The following SF3B2 variants were observed in gnomAD, a reference collection of about 807,000 sequenced individuals.
The protein encoded by SF3B2 is splicing factor 3b subunit 2.
A neutral mutation model predicts 116.3 loss-of-function variants in SF3B2; 22 were observed. That is an observed-to-expected ratio of 0.19 (90% CI 0.14 to 0.27). The LOEUF is 0.27. Among genes scored for constraint, SF3B2 ranks in the 10% least tolerant of loss-of-function variants. The pLI, the probability that SF3B2 is intolerant of heterozygous loss-of-function variation, is 1.00. For synonymous variants in SF3B2, 406 were observed against 421.6 expected (o/e 0.96, Z 0.45); for missense variants, 767 against 1,151.4 (o/e 0.67, Z 4.83).
At position 66,061,755 on chromosome 11, in the gene SF3B2, T is replaced by C. The variant is rs79598943; in HGVS notation, c.1849T>C (p.Leu617=). 1.3e-4 allele frequency: 202 copies of C among 1,614,182 alleles called. No homozygotes were observed. In the African/African-American group the frequency reaches 2.4e-3, roughly 19 times the overall value. ...TCTGTCTGATGAGCTAAGGATTTCC[T>C]TGGGGATGCCAGTAGGACCAGTGAG... ...GDLSDELRIS[L]GMPVGPNAHK... Residue 617 remains leucine (L), a synonymous_variant, in exon 15 of 22, where the codon TTG becomes CTG. Coordinates refer to ENST00000322535, the MANE Select transcript of SF3B2 (RefSeq NM_006842.3).
At chr11:66,064,613 C>A (rs1172307609) in intron 19 of SF3B2, 1 of 152,112 alleles carries the variant, frequency 6.6e-6, no homozygotes, top group Non-Finnish European at 1.5e-5. Flanking sequence ...TCTTTCATTT[C>A]TTTGTGTATA....
intron 19 of SF3B2, among the ~76,000 whole-genome samples, chr11:66,064,428 T>C (rs1444898275): frequency 6.6e-6 from 1 of 152,204 alleles, no homozygotes; most frequent in Non-Finnish European, 1.5e-5. Flanking sequence ...AGAGCCATTA[T>C]AGTATACTTC....
At chr11:66,061,004 CA>C (rs1005632636) in intron 14 of SF3B2, among the ~76,000 whole-genome samples, 1 of 152,132 alleles carries the variant, frequency 6.6e-6, no homozygotes, top group African/African-American at 2.4e-5. Context: ...CTATGTTGCC[CA>C]GGCTAGTGTG....
rs754549875 is a variant in SF3B2, at chr11:66,063,141, T to G, written c.2085+25T>G. 4.2e-5 allele frequency: 65 copies of G among 1,536,408 alleles called. 1 individual carries two copies. The highest frequency in any genetic ancestry group is 5.8e-5 in the Non-Finnish European group (65 of 1,113,072). ...GGTATGGGCCATGTACTAGCGATCT[T>G]GGTTTTACTTAATGTCATGAAGGTT... On this transcript the variant is annotated intron_variant, in intron 17 of 21. Coordinates refer to ENST00000322535, the MANE Select transcript of SF3B2 (RefSeq NM_006842.3).
chr11:66,060,921 T>C (rs570887), intron 14 of SF3B2, among the ~76,000 whole-genome samples, 190 bp downstream of exon 14: 49,439 of 152,006 alleles, frequency 0.33, 8,444 homozygotes, highest in East Asian at 0.53. Context: ...CATCTCAGCC[T>C]CCTGAGTAGC....
At chr11:66,064,053 T>C (rs1009498343) in intron 19 of SF3B2, among the ~76,000 whole-genome samples, 1 of 152,172 alleles carries the variant, frequency 6.6e-6, no homozygotes, top group Admixed American at 6.5e-5. Context: ...CACAGGATCA[T>C]CTGGGTCAGA....
intron 7 of SF3B2, 91 bp downstream of exon 7, chr11:66,057,466 A>T (rs1857022224): frequency 1.4e-6 from 1 of 710,376 alleles, no homozygotes; most frequent in Non-Finnish European, 2.5e-6. Flanking sequence ...CTGTGAGAAG[A>T]TGGGGGGACT....
Position 66,056,902 on chromosome 11 carries a change from G to A in SF3B2, c.614G>A (p.Arg205Gln), listed in dbSNP as rs770744709. Reference sequence around the variant, plus strand: ...GCCAAGATGGGCACCCCAGTCCCTCGGCCCCCACAAGACATGGGCCAGATT... The same window carrying A: ...GCCAAGATGGGCACCCCAGTCCCTCAGCCCCCACAAGACATGGGCCAGATT... Reference protein sequence around the residue: ...EIAKMGTPVPRPPQDMGQIGV... With the variant: ...EIAKMGTPVPQPPQDMGQIGV... The change falls in exon 6 of 22, where the codon CGG becomes CAG. Residue 205 changes from arginine (R) to glutamine (Q), a missense_variant. Arg to Gln is a conservative substitution (Grantham distance 43, BLOSUM62 1). This residue lies in a region of SF3B2 where 455 missense variants were observed against 537.5 expected (regional missense o/e 0.85). Transcript: ENST00000322535. 3 of 1,614,112 alleles carry A rather than the reference G, an allele frequency of 1.9e-6. No homozygotes were observed. Among genetic ancestry groups the A allele is most frequent in the African/African-American group, 2.7e-5 (2 of 75,024 alleles).
In SF3B2 at chr11:66,063,401, C is replaced by T. The variant is rs373132159; in HGVS notation, c.2087C>T (p.Thr696Ile). Residue 696 changes from threonine (T) to isoleucine (I), a missense_variant and splice_region_variant, in exon 18 of 22, where the codon ACC becomes ATC. Transcript: ENST00000322535. Reference protein sequence around the residue: ...VFGTNAAEFQTKTEEEEIDRT... With the variant: ...VFGTNAAEFQIKTEEEEIDRT... Reference sequence around the variant, plus strand: ...GAATGATAAAGTGATCTCTTTCAGACCAAGACTGAGGAAGAAGAGATTGAT... The same window carrying T: ...GAATGATAAAGTGATCTCTTTCAGATCAAGACTGAGGAAGAAGAGATTGAT... 7 of 1,611,376 alleles carry T rather than the reference C, an allele frequency of 4.3e-6. No homozygotes were observed. Among genetic ancestry groups the T allele is most frequent in the Non-Finnish European group, 5.1e-6 (6 of 1,178,796 alleles).
At chr11:66,053,188 A>G in intron 3 of SF3B2, 84 bp downstream of exon 3, 1 of 1,240,832 alleles carries the variant, frequency 8.1e-7, no homozygotes, top group Non-Finnish European at 1.2e-6. Flanking sequence ...GTTCACGTGC[A>G]TGTGTGAGAT....
chr11:66,058,954 C>T lies in SF3B2; in HGVS notation c.1091C>T (p.Ala364Val). Residue 364 changes from alanine to valine, a missense_variant, in exon 10 of 22, where the codon GCA (alanine) becomes GTA (valine). Physicochemically the swap from Ala to Val is moderately conservative, Grantham distance 64. This residue lies in a region of SF3B2 where 455 missense variants were observed against 537.5 expected (regional missense o/e 0.85). Transcript: ENST00000322535. ...STRSRGSDSP[A>V]ADVEIEYVTE... ...CGGTCCCGTGGCTCTGATTCCCCAG[C>T]AGCTGATGTTGAGATTGAGTATGTG... is the stretch of plus-strand genomic sequence containing the variant. 6.2e-7 allele frequency: 1 copy of T among 1,614,160 alleles called. No homozygotes were observed. The highest frequency in any genetic ancestry group is 1.3e-5 in the African/African-American group (1 of 75,030).
Position 66,059,791 on chromosome 11 carries a change from C to T in SF3B2, c.1411C>T (p.Arg471Trp), listed in dbSNP as rs1337651045. Residue 471 changes from arginine (R) to tryptophan (W), a missense_variant, in exon 13 of 22, where the codon CGG becomes TGG. By Grantham distance (101) the Arg-to-Trp change is moderately radical. Transcript: ENST00000322535. This position sits in a 1 kb window ranked among gnomAD's most constrained non-coding sequence, Gnocchi z 5.0. ...ACTATGTGTTTTCCAGCTGGTGGCT[C>T]GGCCCGATGTCGTGGAGATGCACGA... ...TVAELKQLVA[R>W]PDVVEMHDVT... 3.1e-6 allele frequency: 5 copies of T among 1,614,188 alleles called. No individual in the cohort carries two copies. The highest frequency in any genetic ancestry group is 4.2e-6 in the Non-Finnish European group (5 of 1,180,030).
chr11:66,063,320 C>T (rs1200680936), intron 17 of SF3B2, 80 bp from the exon 18 acceptor site: 8 of 1,384,942 alleles, frequency 5.8e-6, no homozygotes, highest in Admixed American at 2.2e-5. Flanking sequence ...TTGACTCTTA[C>T]ACCCCTTCAG....
chr11:66,068,355 G>A (rs745648218), intron 21 of SF3B2, 22 bp downstream of exon 21: 2 of 1,569,480 alleles, frequency 1.3e-6, no homozygotes, highest in South Asian at 1.2e-5. Context: ...CAGGGGCGCT[G>A]GGCTGGGTGA....
intron 3 of SF3B2, chr11:66,053,484 GC>G (rs2135034642): frequency 4.1e-6 from 1 of 245,716 alleles, no homozygotes; most frequent in East Asian, 9.4e-5. Flanking sequence ...TTCGAGACCA[GC>G]CTGGGCAACA....
At chr11:66,053,203 C>T (rs1856921015) in intron 3 of SF3B2, 99 bp downstream of exon 3, 2 of 1,077,242 alleles carry the variant, frequency 1.9e-6, no homozygotes, top group Admixed American at 1.7e-5. Flanking sequence ...TGAGATGTGA[C>T]ACCCTTGCAC....
Position 66,060,717 on chromosome 11 carries a change from G to T in SF3B2, c.1765G>T (p.Asp589Tyr), listed in dbSNP as rs764947302. Reference sequence around the variant, plus strand: ...CAAGCCAAAGCTGACCATCCATGGGGACCTGTACTATGAGGTTCGGGAGGG... The same window carrying T: ...CAAGCCAAAGCTGACCATCCATGGGTACCTGTACTATGAGGTTCGGGAGGG... ...QTKPKLTIHGDLYYEGKEFET... is the reference protein window; with the variant it reads ...QTKPKLTIHGYLYYEGKEFET... Residue 589 changes from aspartate (D) to tyrosine (Y), a missense_variant, in exon 14 of 22, where the codon GAC (aspartate) becomes TAC (tyrosine). This residue lies in a region of SF3B2 where 282 missense variants were observed against 568.0 expected (regional missense o/e 0.50). Coordinates refer to ENST00000322535, the MANE Select transcript of SF3B2 (RefSeq NM_006842.3). The T allele has an allele frequency of 1.9e-6, 3 of 1,614,092 alleles. No individual in the cohort carries two copies. The highest frequency in any genetic ancestry group is 2.5e-6 in the Non-Finnish European group (3 of 1,180,042).
chr11:66,058,069 G>T lies in SF3B2; in HGVS notation c.793G>T (p.Val265Leu), dbSNP rs763294931. Residue 265 changes from valine (V) to leucine (L), a missense_variant, in exon 8 of 22, where the codon GTG (valine) becomes TTG (leucine). By Grantham distance (32) the Val-to-Leu change is conservative. This residue lies in a region of SF3B2 where 455 missense variants were observed against 537.5 expected (regional missense o/e 0.85). Transcript: ENST00000322535. ...TCTCTGGCAGATGGATGACCCCTCT[G>T]TGGGCCCCAAGATCCCCCAGGCTTT... ...DENREMDDPS[V>L]GPKIPQALEK... 3.1e-6 allele frequency: 5 copies of T among 1,610,438 alleles called. No individual in the cohort carries two copies. Among genetic ancestry groups the T allele is most frequent in the African/African-American group, 1.3e-5 (1 of 74,824 alleles).
chr11:66,067,314 C>T (rs748629193), intron 19 of SF3B2: 30 of 430,514 alleles, frequency 7.0e-5, no homozygotes, highest in Non-Finnish European at 1.1e-4. Context: ...AGATAATGAT[C>T]AGAAGCCTCA....
Sources: allele counts gnomAD v4.1 joint callset (sites outside exome capture counted in the v4.1 genomes callset), GRCh38; gene constraint gnomAD v4.1.1; regional missense constraint gnomAD v4.1.1; non-coding constraint Gnocchi (gnomAD v3.1); transcripts MANE v1.5; gene names NCBI Gene and HGNC (gene_info 2026-07-23, HGNC 2026-07-21).